The following SYT1 variants were observed in gnomAD, a reference collection of about 807,000 sequenced individuals.
The protein encoded by SYT1 is synaptotagmin-1.
Under a neutral mutation model 44.8 loss-of-function variants are expected in SYT1, and 8 were observed. The observed-to-expected ratio is 0.18, with a 90% confidence interval of 0.10 to 0.32. The LOEUF (loss-of-function observed/expected upper bound fraction) is 0.32. Ranked by LOEUF, SYT1 falls within the 10% of genes least tolerant of loss-of-function variation. The pLI is 1.00. For missense variants in SYT1, 286 were observed against 509.3 expected (o/e 0.56, Z 4.22); for synonymous variants, 154 against 188.8 (o/e 0.82, Z 1.51).
intron 2 of SYT1, among the ~76,000 whole-genome samples, chr12:78,984,192 A>C (rs1869481988): frequency 6.6e-6 from 1 of 151,852 alleles, no homozygotes; most frequent in Non-Finnish European, 1.5e-5. Flanking sequence ...TAGATTTTAA[A>C]ACTTCTCAAA....
At chr12:78,986,642 C>T (rs927224907) in intron 2 of SYT1, among the ~76,000 whole-genome samples, 1 of 151,894 alleles carries the variant, frequency 6.6e-6, no homozygotes, top group Non-Finnish European at 1.5e-5. Context: ...TATTTTTCCA[C>T]ATTAAGAAAG....
rs140419699 is a variant in SYT1 at position 79,221,332 on chromosome 12, T to C, written c.166+3647T>C. Among the ~76,000 whole-genome samples the C allele has an allele frequency of 4.1e-3, 617 of 152,278 alleles. 3 individuals are homozygous for C. The highest frequency in any genetic ancestry group is 0.014 in the African/African-American group (581 of 41,576). The stretch of plus-strand genomic sequence containing the variant: ...CCTTACAGATGAACTGTAGACAGCA[T>C]GTAGCTGGATCTTTTTAAAATCCAT... On this transcript the variant is annotated intron_variant, in intron 4 of 10. Transcript: ENST00000261205.
intron 1 of SYT1, among the ~76,000 whole-genome samples, chr12:78,954,654 G>A (rs1423095369): frequency 6.6e-6 from 1 of 151,862 alleles, no homozygotes; most frequent in Non-Finnish European, 1.5e-5. Context: ...TTCAATAATG[G>A]TATACTATGA....
intron 2 of SYT1, among the ~76,000 whole-genome samples, chr12:79,021,236 G>A (rs1288133563): frequency 2.6e-5 from 4 of 151,894 alleles, no homozygotes; most frequent in African/African-American, 9.7e-5. Flanking sequence ...ATTTGGCTAG[G>A]AGACAACTGA....
chr12:79,354,168 T>C (rs1278628237), intron 9 of SYT1, among the ~76,000 whole-genome samples: 1 of 152,198 alleles, frequency 6.6e-6, no homozygotes, highest in African/African-American at 2.4e-5. Context: ...GATGTGGGGA[T>C]TGAAATTTCC....
chr12:78,950,695 C>T (rs1878919594), intron 1 of SYT1, among the ~76,000 whole-genome samples: 1 of 152,064 alleles, frequency 6.6e-6, no homozygotes, highest in South Asian at 2.1e-4. Flanking sequence ...AGGAAAGGCA[C>T]TTTAAATGTA....
At chr12:78,948,419 A>G (rs1419502534) in intron 1 of SYT1, among the ~76,000 whole-genome samples, 1 of 152,006 alleles carries the variant, frequency 6.6e-6, no homozygotes, top group Non-Finnish European at 1.5e-5. Context: ...ACTATTTAGC[A>G]TAGTTCATAA....
chr12:79,350,477 G>A (rs921026258), intron 8 of SYT1, among the ~76,000 whole-genome samples: 2 of 151,782 alleles, frequency 1.3e-5, no homozygotes, highest in African/African-American at 4.8e-5. Context: ...TGGTCTCGAT[G>A]TCCTGACCTC....
chr12:79,306,761 G>A (rs1880417212), intron 8 of SYT1, among the ~76,000 whole-genome samples: 1 of 152,176 alleles, frequency 6.6e-6, no homozygotes, highest in Admixed American at 6.5e-5. Flanking sequence ...AGTGGATTTG[G>A]GAGCCTGGAT....
rs148434877 is a variant in SYT1, at chr12:78,936,830, T to A, written c.-216-40969T>A. On this transcript the variant is annotated intron_variant, in intron 1 of 10. Transcript: ENST00000261205. Reference sequence around the variant, plus strand: ...ATGTTAAGCCATAGGTGTTTGTTAATTGTCTTTACCAAATGGAAAGGAAAA... The same window carrying A: ...ATGTTAAGCCATAGGTGTTTGTTAAATGTCTTTACCAAATGGAAAGGAAAA... 6.6e-4 allele frequency among the ~76,000 whole-genome samples: 100 copies of A among 152,246 alleles called. 1 individual carries two copies. In the East Asian group the frequency reaches 0.018, roughly 27 times the overall value.
At position 78,945,722 on chromosome 12, in the gene SYT1, G is replaced by A. The variant is rs575474136; in HGVS notation, c.-216-32077G>A. On this transcript the variant is annotated intron_variant, in intron 1 of 10. Coordinates refer to ENST00000261205, the MANE Select transcript of SYT1 (RefSeq NM_005639.3). The stretch of plus-strand genomic sequence containing the variant: ...AATGTAATCCAAAGACATGAATCTC[G>A]TAATATTAATGGGAAGTCACTTCCA... Among the ~76,000 whole-genome samples the A allele has an allele frequency of 2.0e-4, 31 of 152,140 alleles. 1 individual carries two copies. In the South Asian group the frequency reaches 4.6e-3, roughly 22 times the overall value.
At chr12:79,136,093 T>G (rs1592781149) in intron 3 of SYT1, among the ~76,000 whole-genome samples, 1 of 152,182 alleles carries the variant, frequency 6.6e-6, no homozygotes, top group Admixed American at 6.5e-5. Flanking sequence ...GATGTCTATG[T>G]TAGAATAAAT....
chr12:79,063,326 T>C (rs993171942), intron 3 of SYT1, among the ~76,000 whole-genome samples: 70 of 151,996 alleles, frequency 4.6e-4, no homozygotes, highest in African/African-American at 1.6e-3. Flanking sequence ...CCTTGAAGAG[T>C]TTGTGGGATT....
intron 9 of SYT1, among the ~76,000 whole-genome samples, chr12:79,442,798 G>A (rs1351661520): frequency 6.6e-6 from 1 of 152,072 alleles, no homozygotes; most frequent in Non-Finnish European, 1.5e-5. Context: ...AGATCATCTG[G>A]AAAGTTTCTC....
chr12:79,305,182 T>A (rs1880332938), intron 8 of SYT1, among the ~76,000 whole-genome samples: 1 of 152,206 alleles, frequency 6.6e-6, no homozygotes, highest in Non-Finnish European at 1.5e-5. Context: ...GTAAAAGAAA[T>A]CCAAATTCTC....
intron 3 of SYT1, among the ~76,000 whole-genome samples, chr12:79,085,059 G>A (rs546840596): frequency 1.2e-4 from 18 of 152,094 alleles, no homozygotes; most frequent in African/African-American, 4.3e-4. Context: ...TAAAATTTTT[G>A]TATGAAGCAA....
intron 5 of SYT1, 154 bp from the exon 6 acceptor site, chr12:79,291,854 T>G (rs1343435929): frequency 1.0e-6 from 1 of 967,582 alleles, no homozygotes; most frequent in Non-Finnish European, 1.6e-6. Flanking sequence ...TTAAAAAATA[T>G]GTAAGCAGCA....
intron 9 of SYT1, among the ~76,000 whole-genome samples, chr12:79,425,645 A>T (rs80281226): frequency 0.015 from 2,356 of 152,262 alleles, 42 homozygotes; most frequent in African/African-American, 0.042. Context: ...TCTTCAACTA[A>T]ATATAACTCC....
chr12:78,942,364 T>A (rs7963265), intron 1 of SYT1, among the ~76,000 whole-genome samples: 23,089 of 152,024 alleles, frequency 0.15, 2,036 homozygotes, highest in East Asian at 0.32. Context: ...TACTTGCACA[T>A]AATTATAACT....
Sources: allele counts gnomAD v4.1 joint callset (sites outside exome capture counted in the v4.1 genomes callset), GRCh38; gene constraint gnomAD v4.1.1; transcripts MANE v1.5; gene names NCBI Gene and HGNC (gene_info 2026-07-23, HGNC 2026-07-21).